The following KAT6A variants were observed in gnomAD, a reference collection of about 807,000 sequenced individuals.
KAT6A encodes the protein lysine acetyltransferase 6A, also known as histone acetyltransferase KAT6A.
A neutral mutation model predicts 198.4 loss-of-function variants in KAT6A; 9 were observed. The observed-to-expected ratio is 0.05, with a 90% CI of 0.03 to 0.08. The LOEUF (loss-of-function observed/expected upper bound fraction) is 0.08. Among genes scored for constraint, KAT6A ranks in the 10% least tolerant of loss-of-function variants. The probability of loss-of-function intolerance (pLI) is 1.00; values close to 1 mark genes in which losing one functional copy is unlikely to be tolerated. For missense variants in KAT6A, 2,077 were observed against 2,509.9 expected (o/e 0.83, Z 3.69); for synonymous variants, 890 against 883.0 (o/e 1.01, Z -0.14).
intron 2 of KAT6A, among the ~76,000 whole-genome samples, chr8:42,009,894 C>CAAAAAAAAAAAAAAAAAAA (rs538642816): frequency 4.1e-5 from 2 of 49,034 alleles, no homozygotes; most frequent in African/African-American, 8.3e-5. Flanking sequence ...AGCCCTGTCT[C>CAAAAAAAAAAAAAAAAAAA]AAAAAAAAAA....
At chr8:41,951,840 A>G (rs986852849) in intron 9 of KAT6A, among the ~76,000 whole-genome samples, 32 of 152,246 alleles carry the variant, frequency 2.1e-4, no homozygotes, top group African/African-American at 7.2e-4. Flanking sequence ...ATTATACCAA[A>G]TATTACTTAA....
At chr8:42,039,471 C>G (rs1827532825) in intron 2 of KAT6A, among the ~76,000 whole-genome samples, 1 of 152,022 alleles carries the variant, frequency 6.6e-6, no homozygotes, top group South Asian at 2.1e-4. Flanking sequence ...GAAAATAAAT[C>G]TAATAGATGT....
At chr8:41,975,169 T>G (rs1823987223) in intron 7 of KAT6A, among the ~76,000 whole-genome samples, 1 of 152,160 alleles carries the variant, frequency 6.6e-6, no homozygotes, top group Non-Finnish European at 1.5e-5. Flanking sequence ...TAGTATAGGT[T>G]TAATGCATCA....
At chr8:41,970,634 C>T (rs934620124) in intron 8 of KAT6A, among the ~76,000 whole-genome samples, 4 of 152,116 alleles carry the variant, frequency 2.6e-5, no homozygotes, top group Admixed American at 2.6e-4. Flanking sequence ...GGACTGCAAA[C>T]TAGTTCAAGA....
intron 15 of KAT6A, among the ~76,000 whole-genome samples, chr8:41,939,955 C>T (rs565874998): frequency 6.6e-6 from 1 of 152,214 alleles, no homozygotes; most frequent in Non-Finnish European, 1.5e-5. Context: ...TATGCGAGAA[C>T]TCTCTGTACT....
Position 41,933,350 on chromosome 8 carries a change from C to T in KAT6A, c.4870G>A (p.Val1624Ile), listed in dbSNP as rs144720569. The T allele has an allele frequency of 2.5e-5, 39 of 1,583,644 alleles. No individual in the cohort carries two copies. The highest frequency in any genetic ancestry group is 1.8e-4 in the East Asian group (8 of 44,636). The change falls in exon 17 of 17, where the codon GTC becomes ATC. Residue 1624 changes from valine to isoleucine, a missense_variant. By Grantham distance (29) the Val-to-Ile change is conservative. Coordinates refer to ENST00000265713, the MANE Select transcript of KAT6A (RefSeq NM_006766.5). The surrounding 1 kb of genome is among the most constrained non-coding windows in gnomAD (Gnocchi z 6.2). ...SSCSMMQQSS[V>I]QPAANCSIKS... is the part of the protein sequence containing the mutation. The stretch of plus-strand genomic sequence containing the variant: ...ATGCTGCAGTTGGCAGCAGGCTGGA[C>T]GCTGCTCTGCTGCATCATGCTGCAG...
At chr8:41,949,442 G>T in intron 9 of KAT6A, 79 bp from the exon 10 acceptor site, 1 of 1,126,106 alleles carries the variant, frequency 8.9e-7, no homozygotes, top group Non-Finnish European at 1.2e-6. Context: ...TCATCTTTTT[G>T]CCTCTCATTA....
intron 2 of KAT6A, among the ~76,000 whole-genome samples, chr8:42,020,074 A>G (rs1826457099): frequency 6.6e-6 from 1 of 152,196 alleles, no homozygotes; most frequent in Admixed American, 6.5e-5. Flanking sequence ...TAAATAAATC[A>G]TTCCTTTAAA....
chr8:41,961,858 C>G (rs1248991260), intron 8 of KAT6A, among the ~76,000 whole-genome samples: 1 of 151,852 alleles, frequency 6.6e-6, no homozygotes, highest in Non-Finnish European at 1.5e-5. Context: ...ACAATGGCCA[C>G]ATATTACTAC....
rs538715827 is a variant in KAT6A, at chr8:42,020,252, T to C, written c.600+28126A>G. Among the ~76,000 whole-genome samples the C allele has an allele frequency of 3.9e-5, 6 of 152,284 alleles. No homozygotes were observed. The South Asian group carries it at 1.0e-3, about 26-fold the overall frequency. On this transcript the variant is annotated intron_variant, in intron 2 of 16. Transcript: ENST00000265713. ...ACTTGAGTAATCAGCAGAGACTGTA[T>C]GGCCCGCAAAGCCTAAAATATTTAC...
At chr8:41,986,429 T>C (rs1824606786) in intron 3 of KAT6A, among the ~76,000 whole-genome samples, 1 of 152,180 alleles carries the variant, frequency 6.6e-6, no homozygotes, top group Non-Finnish European at 1.5e-5. Context: ...CTGGTTCTAT[T>C]CATCAAGCCT....
chr8:41,981,063 T>TA (rs777469481), intron 4 of KAT6A, 136 bp from the exon 5 acceptor site: 7 of 655,170 alleles, frequency 1.1e-5, no homozygotes, highest in Non-Finnish European at 1.9e-5. Context: ...CTCACGCCTG[T>TA]AATCCCAACA....
chr8:42,010,339 C>T (rs1825966698), intron 2 of KAT6A, among the ~76,000 whole-genome samples: 2 of 152,116 alleles, frequency 1.3e-5, no homozygotes. Context: ...GCAGATCAGA[C>T]ACTCTATGTA....
At chr8:41,972,941 A>C (rs1207339460) in intron 8 of KAT6A, among the ~76,000 whole-genome samples, 1 of 152,216 alleles carries the variant, frequency 6.6e-6, no homozygotes, top group Non-Finnish European at 1.5e-5. Flanking sequence ...GAGTACCTAT[A>C]ATAACTCACT....
chr8:42,021,974 C>A (rs1826559464), intron 2 of KAT6A, among the ~76,000 whole-genome samples: 1 of 152,062 alleles, frequency 6.6e-6, no homozygotes, highest in Non-Finnish European at 1.5e-5. Flanking sequence ...TTAATTATTG[C>A]ACAAGTTTAA....
intron 2 of KAT6A, among the ~76,000 whole-genome samples, chr8:42,033,271 C>A (rs992815890): frequency 2.6e-5 from 4 of 152,086 alleles, no homozygotes; most frequent in Non-Finnish European, 5.9e-5. Flanking sequence ...CAAAACAAAT[C>A]CTTTTTTCTG....
chr8:42,004,654 G>A (rs536944394), intron 2 of KAT6A, among the ~76,000 whole-genome samples: 22 of 152,170 alleles, frequency 1.4e-4, no homozygotes, highest in African/African-American at 4.6e-4. Flanking sequence ...GGCCGGGTGC[G>A]GTGACTCACA....
chr8:41,939,214 G>A (rs1821989660), intron 15 of KAT6A, among the ~76,000 whole-genome samples: 1 of 152,112 alleles, frequency 6.6e-6, no homozygotes, highest in Non-Finnish European at 1.5e-5. Context: ...CACTCTGAGG[G>A]GGTAGAAATC....
chr8:41,930,665 AATATAT>A lies in KAT6A; in HGVS notation c.*1534_*1539del, dbSNP rs1304143990. The A allele has an allele frequency of 6.8e-6, 1 of 146,428 alleles. No individual in the cohort carries two copies. Among genetic ancestry groups the A allele is most frequent in the East Asian group, 1.4e-4 (1 of 7,324 alleles). 9.1% of individuals were successfully genotyped at this position (146,428 alleles called of 1,614,324 possible). Reference sequence around the variant, plus strand: ...AATAGTTTCCATCTTCTAATGATGGAATATATATATATATATATGTGTGTGTGTGTG... The same window carrying A: ...AATAGTTTCCATCTTCTAATGATGGAATATATATATATGTGTGTGTGTGTG... On this transcript the variant is annotated 3_prime_UTR_variant, in exon 17 of 17. Coordinates refer to ENST00000265713, the MANE Select transcript of KAT6A (RefSeq NM_006766.5).
Sources: allele counts gnomAD v4.1 joint callset (sites outside exome capture counted in the v4.1 genomes callset), GRCh38; gene constraint gnomAD v4.1.1; non-coding constraint Gnocchi (gnomAD v3.1); transcripts MANE v1.5; gene names NCBI Gene and HGNC (gene_info 2026-07-23, HGNC 2026-07-21).